The following CEP135 variants were observed in gnomAD, a reference collection of about 807,000 sequenced individuals.
The protein encoded by CEP135 is centrosomal protein of 135 kDa.
Under a neutral mutation model 157.3 loss-of-function variants are expected in CEP135, and 142 were observed. The observed-to-expected ratio is 0.90, with a 90% CI of 0.79 to 1.04. The LOEUF (loss-of-function observed/expected upper bound fraction) is 1.04. Among genes scored for constraint, CEP135 ranks in the 50% least tolerant of loss-of-function variants. The pLI is 0.00. For missense variants in CEP135, 1,317 were observed against 1,309.2 expected (o/e 1.01, Z -0.09); for synonymous variants, 396 against 439.8 (o/e 0.90, Z 1.25).
At position 56,014,750 on chromosome 4, in the gene CEP135, C is replaced by T. The variant is rs558055264; in HGVS notation, c.2802+2765C>T. 9.7e-4 allele frequency among the ~76,000 whole-genome samples: 147 copies of T among 152,144 alleles called. 1 individual carries two copies. Among genetic ancestry groups the T allele is most frequent in the Non-Finnish European group, 1.9e-3 (127 of 67,988 alleles). ...CAAAAAAGAAAGCAAGACATGAAGC[C>T]AGGTGTGGTAGCTGACACCTGTAAT... On this transcript the variant is annotated intron_variant, in intron 21 of 25. Coordinates refer to ENST00000257287, the MANE Select transcript of CEP135 (RefSeq NM_025009.5).
chr4:56,014,788 G>T (rs1463821487), intron 21 of CEP135, among the ~76,000 whole-genome samples: 5 of 152,144 alleles, frequency 3.3e-5, no homozygotes, highest in Non-Finnish European at 7.3e-5. Context: ...TAGTACTTTG[G>T]AAGGTCAGGG....
chr4:56,029,367 T>C (rs1289569747), intron 25 of CEP135, among the ~76,000 whole-genome samples: 2 of 152,204 alleles, frequency 1.3e-5, no homozygotes, highest in Non-Finnish European at 2.9e-5. Context: ...CCCAATTCTC[T>C]AATCATGCAT....
At chr4:55,995,220 C>T (rs539768562) in intron 15 of CEP135, among the ~76,000 whole-genome samples, 19 of 152,288 alleles carry the variant, frequency 1.2e-4, no homozygotes, top group African/African-American at 4.6e-4. Context: ...AGCATGCTAG[C>T]CAGTCTTTAG....
chr4:56,022,896 G>C (rs1432891189), intron 24 of CEP135, among the ~76,000 whole-genome samples: 1 of 152,104 alleles, frequency 6.6e-6, no homozygotes, highest in Non-Finnish European at 1.5e-5. Context: ...AGGAATTTAA[G>C]ACCAGCCTGG....
intron 10 of CEP135, 125 bp from the exon 11 acceptor site, chr4:55,974,621 G>T: frequency 1.5e-6 from 1 of 676,250 alleles, no homozygotes; most frequent in Non-Finnish European, 2.4e-6. Flanking sequence ...GTACCTACAG[G>T]TGTTATGTAG....
intron 24 of CEP135, among the ~76,000 whole-genome samples, chr4:56,024,200 T>C (rs1312136262): frequency 6.7e-6 from 1 of 148,698 alleles, no homozygotes; most frequent in East Asian, 2.0e-4. Context: ...GTATGATTTT[T>C]AAGTAGCGGA....
chr4:56,024,393 TACTA>T, intron 24 of CEP135, 104 bp from the exon 25 acceptor site: 2 of 691,988 alleles, frequency 2.9e-6, no homozygotes, highest in Non-Finnish European at 5.0e-6. Context: ...TTAATAGTAA[TACTA>T]AGTAATTTAT....
Position 55,964,151 on chromosome 4 carries a change from T to G in CEP135, c.700-123T>G, listed in dbSNP as rs182893038. ...TGCATATAATATATGGACACAAATATGAATGTTAATCTCTTGCATACATTG... is the reference window on the plus strand; with the variant it reads ...TGCATATAATATATGGACACAAATAGGAATGTTAATCTCTTGCATACATTG... On this transcript the variant is annotated intron_variant, in intron 6 of 25. Transcript: ENST00000257287. The G allele has an allele frequency of 6.1e-4, 514 of 848,390 alleles. 4 individuals are homozygous for G. In the African/African-American group the frequency reaches 7.5e-3, roughly 12 times the overall value. The allele number at this position is 848,390 out of a possible 1,614,324, so 52.6% of individuals were successfully genotyped here. A position where few individuals can be genotyped will look rare whatever the true frequency, so the allele number is the denominator to read the frequency against.
chr4:55,997,767 C>T (rs1730024081), intron 15 of CEP135, among the ~76,000 whole-genome samples: 1 of 152,082 alleles, frequency 6.6e-6, no homozygotes, highest in African/African-American at 2.4e-5. Context: ...TGGTACTGTT[C>T]TAGGAATAAA....
chr4:55,969,013 A>T, intron 8 of CEP135, 50 bp from the exon 9 acceptor site: 6 of 1,375,454 alleles, frequency 4.4e-6, no homozygotes, highest in Non-Finnish European at 6.1e-6. Context: ...CATATGACTT[A>T]AGTATTCTTA....
intron 4 of CEP135, among the ~76,000 whole-genome samples, chr4:55,956,866 G>A (rs1030804020): frequency 5.3e-5 from 8 of 151,988 alleles, no homozygotes; most frequent in Non-Finnish European, 8.8e-5. Context: ...CACCCGCCTC[G>A]GCCTTCCAAA....
chr4:55,975,167 G>A (rs2109675267), intron 11 of CEP135, among the ~76,000 whole-genome samples, 198 bp downstream of exon 11: 1 of 152,290 alleles, frequency 6.6e-6, no homozygotes, highest in Middle Eastern at 3.4e-3. Context: ...ATAACATATA[G>A]ATGACTGGAA....
chr4:55,957,093 A>G lies in CEP135; in HGVS notation c.473-130A>G. 4.4e-6 allele frequency: 4 copies of G among 909,916 alleles called. No individual in the cohort carries two copies. The East Asian group carries it at 1.0e-4, about 23-fold the overall frequency. The allele number at this position is 909,916 out of a possible 1,614,324, so 56.4% of individuals were successfully genotyped here. ...AGGGTGGATATTTATATATTGATGG[A>G]GAAAATATTTTGTCAATATGTATTA... is the stretch of plus-strand genomic sequence containing the variant. On this transcript the variant is annotated intron_variant, in intron 4 of 25. Coordinates refer to ENST00000257287, the MANE Select transcript of CEP135 (RefSeq NM_025009.5).
chr4:55,980,149 T>G lies in CEP135; in HGVS notation c.1480T>G (p.Tyr494Asp). The G allele has an allele frequency of 6.2e-7, 1 of 1,608,886 alleles. No homozygotes were observed. The highest frequency in any genetic ancestry group is 1.1e-5 in the South Asian group (1 of 90,302). The change falls in exon 12 of 26, where the codon TAC (tyrosine) becomes GAC (aspartate). Residue 494 changes from tyrosine (Y) to aspartate (D), a missense_variant. Tyr to Asp is a radical substitution (Grantham distance 160, BLOSUM62 -3). Coordinates refer to ENST00000257287, the MANE Select transcript of CEP135 (RefSeq NM_025009.5). ...TTTTTTAATTATGTTTCAGGGTGAT[T>G]ACAATTCAGAAATTCATCAGATCAC... ...SIFRTPEKGD[Y>D]NSEIHQITRE...
At chr4:55,984,601 A>G (rs748137063) in intron 13 of CEP135, among the ~76,000 whole-genome samples, 3 of 152,230 alleles carry the variant, frequency 2.0e-5, no homozygotes, top group Non-Finnish European at 4.4e-5. Context: ...GAGCAATTAA[A>G]TAAATACATA....
At chr4:55,971,694 A>G (rs988008174) in intron 10 of CEP135, among the ~76,000 whole-genome samples, 1 of 152,210 alleles carries the variant, frequency 6.6e-6, no homozygotes, top group Non-Finnish European at 1.5e-5. Context: ...AAGTAAGACT[A>G]AAGGGAAGGC....
intron 8 of CEP135, 110 bp downstream of exon 8, chr4:55,965,969 T>C: frequency 5.4e-6 from 5 of 930,298 alleles, no homozygotes; most frequent in Non-Finnish European, 8.0e-6. Context: ...ATTTTGTGTG[T>C]CTGTTTTTGT....
intron 21 of CEP135, 27 bp from the exon 22 acceptor site, chr4:56,017,618 CTTT>C: frequency 6.5e-7 from 1 of 1,536,312 alleles, no homozygotes; most frequent in Non-Finnish European, 8.8e-7. Flanking sequence ...GTTATTTTAA[CTTT>C]TTACTTGTTT....
intron 24 of CEP135, among the ~76,000 whole-genome samples, chr4:56,021,087 C>G (rs918547927): frequency 6.6e-6 from 1 of 151,892 alleles, no homozygotes; most frequent in Non-Finnish European, 1.5e-5. Flanking sequence ...TATAGCATTC[C>G]GCAGGACAAA....
Sources: allele counts gnomAD v4.1 joint callset (sites outside exome capture counted in the v4.1 genomes callset), GRCh38; gene constraint gnomAD v4.1.1; transcripts MANE v1.5; gene names NCBI Gene and HGNC (gene_info 2026-07-23, HGNC 2026-07-21).